RBM39: variants seen among roughly 807,000 people sequenced by gnomAD.
The protein encoded by RBM39 is RNA-binding protein 39.
RBM39 carries 12 observed loss-of-function variants against 79.6 expected under a neutral mutation model. That is an observed-to-expected ratio of 0.15 (90% confidence interval 0.10 to 0.24). The LOEUF (loss-of-function observed/expected upper bound fraction) is 0.24. Ranked by LOEUF, RBM39 falls within the 10% of genes least tolerant of loss-of-function variation. RBM39 has a pLI of 1.00. For missense variants in RBM39, 243 were observed against 653.4 expected (o/e 0.37, Z 6.85); for synonymous variants, 185 against 208.4 (o/e 0.89, Z 0.97).
At chr20:35,738,707 C>T (rs1399832447) in intron 3 of RBM39, among the ~76,000 whole-genome samples, 2 of 152,114 alleles carry the variant, frequency 1.3e-5, no homozygotes, top group African/African-American at 4.8e-5. Context: ...AACAAGACAA[C>T]CTCTAATACA....
intron 1 of RBM39, 30 bp from the exon 2 acceptor site, chr20:35,740,917 T>A: frequency 6.6e-7 from 1 of 1,512,272 alleles, no homozygotes; most frequent in Non-Finnish European, 9.1e-7. Flanking sequence ...ATTTCTTGAG[T>A]AAACATTTCT....
chr20:35,736,104 C>T (rs140781448), intron 3 of RBM39, among the ~76,000 whole-genome samples: 27 of 85,374 alleles, frequency 3.2e-4, no homozygotes, highest in Admixed American at 1.1e-3. Context: ...TTTAGCCACT[C>T]GGCCTGACAC....
rs1186321190 is a variant in RBM39 at position 35,703,599 on chromosome 20, A to G, written c.*882T>C. On this transcript the variant is annotated 3_prime_UTR_variant, in exon 17 of 17. Transcript: ENST00000253363. ...TAACTTTAAAACATTTGAAAAATGA[A>G]GATCTCCTGTGGCCTTTTTAAGAGA... 1 of 152,656 alleles carries G rather than the reference A, an allele frequency of 6.6e-6. No individual in the cohort carries two copies. Among genetic ancestry groups the G allele is most frequent in the East Asian group, 1.9e-4 (1 of 5,204 alleles). The allele number at this position is 152,656 out of a possible 1,614,324, so 9.5% of individuals were successfully genotyped here.
At position 35,732,116 on chromosome 20, in the gene RBM39, T is replaced by C; in HGVS notation, c.121A>G (p.Arg41Gly). The change falls in exon 4 of 17, where the codon AGA (arginine) becomes GGA (glycine). Residue 41 changes from arginine to glycine, a missense_variant. Physicochemically the swap from Arg to Gly is moderately radical, Grantham distance 125. Coordinates refer to ENST00000253363, the MANE Select transcript of RBM39 (RefSeq NM_184234.3). Reference sequence around the variant, plus strand: ...CTCTTTCGTTCATGACTACGACTTCTGCTCTTGCTTTTTTTCCTCCTGAGA... The same window carrying C: ...CTCTTTCGTTCATGACTACGACTTCCGCTCTTGCTTTTTTTCCTCCTGAGA... ...RSKKRKKSKS[R>G]SRSHERKRSK... 1.2e-6 allele frequency: 2 copies of C among 1,614,178 alleles called. No individual in the cohort carries two copies. Among genetic ancestry groups the C allele is most frequent in the Non-Finnish European group, 1.7e-6 (2 of 1,180,036 alleles).
intron 6 of RBM39, among the ~76,000 whole-genome samples, chr20:35,726,752 T>C (rs114556446): frequency 0.013 from 1,940 of 152,274 alleles, 51 homozygotes; most frequent in African/African-American, 0.045. Flanking sequence ...CTAAACACGA[T>C]CTTTTCCATT....
At position 35,725,089 on chromosome 20, in the gene RBM39, C is replaced by G. The variant is rs777591811; in HGVS notation, c.483G>C (p.Ala161=). ...CCAAATCCCTTGGTCGAATTCTTGCCGCCAGCTGCATACAGAAGACTGTCC... is the reference window on the plus strand; with the variant it reads ...CCAAATCCCTTGGTCGAATTCTTGCGGCCAGCTGCATACAGAAGACTGTCC... The part of the protein sequence containing the change: ...DARTVFCMQL[A]ARIRPRDLEE... The change falls in exon 7 of 17, where the codon GCG becomes GCC. Residue 161 remains alanine (A), a synonymous_variant. Coordinates refer to ENST00000253363, the MANE Select transcript of RBM39 (RefSeq NM_184234.3). 34 of 1,611,586 alleles carry G rather than the reference C, an allele frequency of 2.1e-5. No homozygotes were observed. Among genetic ancestry groups the G allele is most frequent in the Admixed American group, 5.0e-5 (3 of 59,972 alleles).
At chr20:35,726,227 G>A (rs1445564029) in intron 6 of RBM39, among the ~76,000 whole-genome samples, 1 of 152,058 alleles carries the variant, frequency 6.6e-6, no homozygotes, top group Non-Finnish European at 1.5e-5. Flanking sequence ...CGCCTCCAGG[G>A]TTCAAGCAAT....
intron 3 of RBM39, chr20:35,734,867 C>T (rs2039741402): frequency 1.3e-6 from 2 of 1,489,024 alleles, no homozygotes; most frequent in African/African-American, 2.8e-5. Context: ...TATCGAAATC[C>T]ACACTAATAG....
chr20:35,721,980 AATACTACCCTACGTAAGTCAG>A (rs2037993508), intron 8 of RBM39, 103 bp from the exon 9 acceptor site: 2 of 1,332,108 alleles, frequency 1.5e-6, no homozygotes, highest in Admixed American at 2.0e-5. Context: ...GAGTGATAAA[AATACTACCCTACGTAAGTCAG>A]ATACTACATA....
intron 14 of RBM39, 26 bp downstream of exon 14, chr20:35,707,094 T>C (rs762101558): frequency 1.8e-6 from 2 of 1,135,692 alleles, no homozygotes; most frequent in South Asian, 3.2e-5. Context: ...TGATAGGAAA[T>C]ATCAAGAATA....
At position 35,732,097 on chromosome 20, in the gene RBM39, C is replaced by T. The variant is rs748918382; in HGVS notation, c.140G>A (p.Arg47Gln). Residue 47 changes from arginine (R) to glutamine (Q), a missense_variant, in exon 4 of 17, where the codon CGA becomes CAA. Arg to Gln is a conservative substitution (Grantham distance 43). Coordinates refer to ENST00000253363, the MANE Select transcript of RBM39 (RefSeq NM_184234.3). ...KSKSRSRSHE[R>Q]KRSKSKERKR... is the part of the protein sequence containing the mutation. ...CCGTTCCTTACTTTTGCTTCTCTTT[C>T]GTTCATGACTACGACTTCTGCTCTT... 11 of 1,613,854 alleles carry T rather than the reference C, an allele frequency of 6.8e-6. No homozygotes were observed. The highest frequency in any genetic ancestry group is 2.2e-5 in the East Asian group (1 of 44,880).
chr20:35,738,632 C>A (rs1169900055), intron 3 of RBM39, among the ~76,000 whole-genome samples: 1 of 152,154 alleles, frequency 6.6e-6, no homozygotes, highest in Admixed American at 6.5e-5. Context: ...CTTTTAAGAT[C>A]AATGGATATA....
At chr20:35,714,430 A>G in intron 10 of RBM39, 41 bp from the exon 11 acceptor site, 1 of 1,557,026 alleles carries the variant, frequency 6.4e-7, no homozygotes, top group Non-Finnish European at 8.7e-7. Flanking sequence ...CAGTGCTTTA[A>G]TTTTTAAAAT....
chr20:35,735,943 T>C (rs1010537323), intron 3 of RBM39, among the ~76,000 whole-genome samples: 1 of 152,176 alleles, frequency 6.6e-6, no homozygotes, highest in Admixed American at 6.6e-5. Context: ...TGTAAAAGCT[T>C]GTAGCCTTAA....
At chr20:35,740,027 A>G (rs2040358141) in intron 2 of RBM39, 1 of 158,744 alleles carries the variant, frequency 6.3e-6, no homozygotes, top group Admixed American at 6.2e-5. Flanking sequence ...GAAATGAGTC[A>G]AAGACTATAT....
At chr20:35,735,324 C>A (rs1203512558) in intron 3 of RBM39, among the ~76,000 whole-genome samples, 1 of 152,178 alleles carries the variant, frequency 6.6e-6, no homozygotes, top group Admixed American at 6.5e-5. Flanking sequence ...TATGCAAAAA[C>A]TCAGGTTTAC....
intron 6 of RBM39, among the ~76,000 whole-genome samples, chr20:35,726,733 G>C (rs983207241): frequency 2.6e-5 from 4 of 152,200 alleles, no homozygotes; most frequent in African/African-American, 9.6e-5. Flanking sequence ...CATCCTTTAA[G>C]ATGTAAGCCT....
intron 12 of RBM39, among the ~76,000 whole-genome samples, chr20:35,710,082 A>G (rs1332162213): frequency 1.3e-5 from 2 of 152,228 alleles, no homozygotes; most frequent in Non-Finnish European, 1.5e-5. Flanking sequence ...AAGTCTGAAC[A>G]GTAAGTCTGC....
In RBM39 at chr20:35,703,249, A is replaced by G. The variant is rs1251357740; in HGVS notation, c.*1232T>C. On this transcript the variant is annotated 3_prime_UTR_variant, in exon 17 of 17. Transcript: ENST00000253363. ...TGCACCTTATTTAATATATTAATAT[A>G]TAAATCAATTTTGGAAACCAGTTTG... The G allele has an allele frequency of 2.0e-5, 3 of 152,198 alleles. No homozygotes were observed. Among genetic ancestry groups the G allele is most frequent in the African/African-American group, 7.2e-5 (3 of 41,448 alleles). The allele number at this position is 152,198 out of a possible 1,614,324, so 9.4% of individuals were successfully genotyped here. A position where few individuals can be genotyped will look rare whatever the true frequency, so the allele number is the denominator to read the frequency against.
Sources: allele counts gnomAD v4.1 joint callset (sites outside exome capture counted in the v4.1 genomes callset), GRCh38; gene constraint gnomAD v4.1.1; transcripts MANE v1.5; gene names NCBI Gene and HGNC (gene_info 2026-07-23, HGNC 2026-07-21).